Variants in NUP62CL observed in about 807,000 individuals in gnomAD.
NUP62CL encodes the protein nucleoporin 62 C-terminal like, also known as nucleoporin-62 C-terminal-like protein.
In NUP62CL, 13 loss-of-function variants were observed where a neutral mutation model predicts 15.3. That is an observed-to-expected ratio of 0.85 (90% CI 0.55 to 1.35). The LOEUF is 1.35. Ranked by LOEUF, NUP62CL falls within the 40% of genes most tolerant of loss-of-function variation. The pLI, the probability that NUP62CL is intolerant of heterozygous loss-of-function variation, is 0.00. For synonymous variants in NUP62CL, 54 were observed against 49.2 expected, an observed-to-expected ratio of 1.10 and a Z score of -0.41; for missense variants, 123 against 130.6, an observed-to-expected ratio of 0.94 and a Z score of 0.28.
At chrX:107,196,401 C>T (rs1403459862) in intron 1 of NUP62CL, among the ~76,000 whole-genome samples, 1 of 111,082 alleles carries the variant, frequency 9.0e-6, no homozygotes, top group Non-Finnish European at 1.9e-5. Flanking sequence ...TCCCTATAAT[C>T]CCATTGCTTT....
At chrX:107,182,789 T>A (rs1926950879) in intron 2 of NUP62CL, among the ~76,000 whole-genome samples, 2 of 111,395 alleles carry the variant, frequency 1.8e-5, no homozygotes, top group Admixed American at 1.9e-4. Flanking sequence ...AAATTAAGAT[T>A]CTTAAAAATA....
At chrX:107,153,987 TA>T in intron 5 of NUP62CL, 108 bp downstream of exon 5, 1 of 809,301 alleles carries the variant, frequency 1.2e-6, no homozygotes, top group Non-Finnish European at 1.7e-6. Flanking sequence ...AACAAAAACA[TA>T]AACAAAACAA....
intron 8 of NUP62CL, among the ~76,000 whole-genome samples, chrX:107,140,382 A>G (rs1009211283): frequency 9.0e-6 from 1 of 111,633 alleles, no homozygotes; most frequent in Admixed American, 9.5e-5. Context: ...AGGTGCCATT[A>G]ATATTTATAC....
chrX:107,143,708 TATA>T (rs1379077920), intron 8 of NUP62CL, among the ~76,000 whole-genome samples: 4 of 112,194 alleles, frequency 3.6e-5, no homozygotes, highest in Middle Eastern at 4.6e-3. Flanking sequence ...AGTAAAAAAC[TATA>T]ATATTTGTAT....
Position 107,167,753 on chromosome X carries a change from G to C in NUP62CL, c.90C>G (p.Phe30Leu). ...TGATTGTGGTAGTAGTGTTGGTGGT[G>C]AAAGTGGCGGTGGTAGTCGTTGAAG... ...FTTSTTTTAT[F>L]TTNTTTTITS... The change falls in exon 4 of 9, where the codon TTC becomes TTG. Residue 30 changes from phenylalanine to leucine, a missense_variant. Physicochemically the swap from Phe to Leu is conservative, Grantham distance 22 (BLOSUM62 0). Transcript: ENST00000372466. The C allele has an allele frequency of 8.4e-7, 1 of 1,190,608 alleles. No individual in the cohort carries two copies. Among genetic ancestry groups the C allele is most frequent in the South Asian group, 1.8e-5 (1 of 55,674 alleles).
In NUP62CL at chrX:107,153,978, A is replaced by G. The variant is rs1368264371; in HGVS notation, c.345+118T>C. 4.0e-6 allele frequency: 3 copies of G among 757,516 alleles called. No individual in the cohort carries two copies. The Admixed American group carries it at 1.0e-4, about 25-fold the overall frequency. 62.4% of individuals were successfully genotyped at this position (757,516 alleles called of 1,213,427 possible). A position where few individuals can be genotyped will look rare whatever the true frequency, so the allele number is the denominator to read the frequency against. On this transcript the variant is annotated intron_variant, in intron 5 of 8. Transcript: ENST00000372466. ...ATAGAGCAAGACCCTGTCTCAAAAA[A>G]CAAAAACATAAACAAAACAACAACA...
At chrX:107,187,055 G>GA (rs1162738576) in intron 2 of NUP62CL, among the ~76,000 whole-genome samples, 2 of 111,768 alleles carry the variant, frequency 1.8e-5, no homozygotes, top group Non-Finnish European at 3.8e-5. Context: ...AAGATAACAG[G>GA]AAAATCTTCA....
chrX:107,145,856 A>C (rs1313467558), intron 8 of NUP62CL, among the ~76,000 whole-genome samples: 1 of 111,101 alleles, frequency 9.0e-6, no homozygotes. Flanking sequence ...GAACTTTTTG[A>C]AGAGTCCAAG....
intron 8 of NUP62CL, among the ~76,000 whole-genome samples, chrX:107,138,338 TTGTTC>T (rs1287316088): frequency 1.8e-5 from 2 of 111,830 alleles, no homozygotes; most frequent in African/African-American, 6.5e-5. Flanking sequence ...TTAAAAAACT[TTGTTC>T]TGTGAACAAC....
chrX:107,174,022 CT>C (rs1262511381), intron 3 of NUP62CL, among the ~76,000 whole-genome samples: 2 of 104,621 alleles, frequency 1.9e-5, no homozygotes, highest in Admixed American at 1.0e-4. Flanking sequence ...ATTTTCTTTT[CT>C]TTTTTTTCTT....
At position 107,174,566 on chromosome X, in the gene NUP62CL, G is replaced by A. The variant is rs755496676; in HGVS notation, c.58+523C>T. On this transcript the variant is annotated intron_variant, in intron 3 of 8. Coordinates refer to ENST00000372466, the MANE Select transcript of NUP62CL (RefSeq NM_017681.3). The stretch of plus-strand genomic sequence containing the variant: ...CTTAGCTCAAAGCATCCAGATAGAT[G>A]GTCCTCTTCAGGTGGAGAGGTCACA... Among the ~76,000 whole-genome samples the A allele has an allele frequency of 3.6e-5, 4 of 111,542 alleles. No individual in the cohort carries two copies. In the South Asian group the frequency reaches 1.5e-3, roughly 42 times the overall value.
At chrX:107,188,693 A>G (rs1927133018) in intron 2 of NUP62CL, among the ~76,000 whole-genome samples, 2 of 111,859 alleles carry the variant, frequency 1.8e-5, no homozygotes, top group Admixed American at 1.9e-4. Flanking sequence ...TTTGCAAATG[A>G]CATAATTATC....
At chrX:107,135,889 A>G (rs1033342235) in intron 8 of NUP62CL, among the ~76,000 whole-genome samples, 3 of 111,080 alleles carry the variant, frequency 2.7e-5, no homozygotes, top group African/African-American at 9.8e-5. Context: ...TACACAGTTC[A>G]GCTCTGCCCC....
intron 2 of NUP62CL, among the ~76,000 whole-genome samples, chrX:107,189,613 A>AAATAATAATAATAATAAT (rs112376938): frequency 7.7e-4 from 77 of 99,875 alleles, no homozygotes; most frequent in East Asian, 2.9e-3. Context: ...CCGTCCCTAC[A>AAATAATAATAATAATAAT]AATAATAATA....
At chrX:107,138,898 C>T (rs1925703200) in intron 8 of NUP62CL, among the ~76,000 whole-genome samples, 1 of 111,793 alleles carries the variant, frequency 8.9e-6, no homozygotes, top group Non-Finnish European at 1.9e-5. Context: ...TGGAAACAGC[C>T]CAGATGTCCT....
At chrX:107,159,932 G>T (rs1158721439) in intron 4 of NUP62CL, among the ~76,000 whole-genome samples, 1 of 107,840 alleles carries the variant, frequency 9.3e-6, no homozygotes, top group Non-Finnish European at 1.9e-5. Context: ...CTTCAGCAAA[G>T]TCTCAGGATA....
At chrX:107,181,599 T>A in intron 2 of NUP62CL, among the ~76,000 whole-genome samples, 1 of 111,428 alleles carries the variant, frequency 9.0e-6, no homozygotes, top group Non-Finnish European at 1.9e-5. Flanking sequence ...TATTCCCCCA[T>A]ATAAACTTTA....
intron 3 of NUP62CL, among the ~76,000 whole-genome samples, chrX:107,173,065 C>A (rs1487673631): frequency 3.6e-5 from 4 of 111,758 alleles, no homozygotes; most frequent in Non-Finnish European, 7.5e-5. Context: ...ATGCAAATCC[C>A]AAGGTTATAA....
chrX:107,200,618 C>CAA (rs1178515736), intron 1 of NUP62CL, among the ~76,000 whole-genome samples: 3 of 68,254 alleles, frequency 4.4e-5, no homozygotes, highest in East Asian at 4.2e-4. Flanking sequence ...GATTCCGTCT[C>CAA]AAAAAAAAAA....
Sources: allele counts gnomAD v4.1 joint callset (sites outside exome capture counted in the v4.1 genomes callset), GRCh38; gene constraint gnomAD v4.1.1; transcripts MANE v1.5; gene names NCBI Gene and HGNC (gene_info 2026-07-23, HGNC 2026-07-21).